Variants in HK1 observed in about 807,000 individuals in gnomAD.
The protein encoded by HK1 is hexokinase-1.
A neutral mutation model predicts 91.6 loss-of-function variants in HK1; 28 were observed. The ratio of observed to expected loss-of-function variants is 0.31; its 90% CI spans 0.23 to 0.42. The LOEUF (loss-of-function observed/expected upper bound fraction) is 0.42. HK1 is among the 10% of genes least tolerant of loss of function. The pLI is 1.00. For synonymous variants in HK1, 430 were observed against 468.1 expected (o/e 0.92, Z 1.05); for missense variants, 770 against 1,219.8 (o/e 0.63, Z 5.49).
At chr10:69,373,261 A>G (rs1850112284) in intron 7 of HK1, among the ~76,000 whole-genome samples, 1 of 152,112 alleles carries the variant, frequency 6.6e-6, no homozygotes, top group Non-Finnish European at 1.5e-5. Context: ...TACTCATTCC[A>G]TTTGCTTTGA....
At chr10:69,321,735 C>T (rs1847044565) in intron 1 of HK1, among the ~76,000 whole-genome samples, 2 of 152,194 alleles carry the variant, frequency 1.3e-5, no homozygotes, top group African/African-American at 4.8e-5. Context: ...ATCAATAATT[C>T]AACTCCATAA....
chr10:69,370,245 G>A lies in HK1; in HGVS notation c.875+621G>A, dbSNP rs143797216. On this transcript the variant is annotated intron_variant, in intron 7 of 17. Coordinates refer to ENST00000359426, the MANE Select transcript of HK1 (RefSeq NM_000188.3). The stretch of plus-strand genomic sequence containing the variant: ...GCTCACAATGAACCCATCTGATGGG[G>A]AATGCGGCCAGAGTTGAGCAGGTAC... Among the ~76,000 whole-genome samples the A allele has an allele frequency of 7.2e-3, 1,101 of 152,188 alleles. 4 individuals are homozygous for A. Among genetic ancestry groups the A allele is most frequent in the South Asian group, 0.029 (142 of 4,820 alleles).
intron 2 of HK1, among the ~76,000 whole-genome samples, chr10:69,282,921 A>G (rs1844818552): frequency 6.6e-6 from 1 of 151,212 alleles, no homozygotes; most frequent in Admixed American, 6.6e-5. Context: ...GTTTGAGACC[A>G]GCCTGGCCAA....
intron 2 of HK1, among the ~76,000 whole-genome samples, chr10:69,285,109 G>A (rs1278633970): frequency 6.6e-6 from 1 of 151,612 alleles, no homozygotes; most frequent in Non-Finnish European, 1.5e-5. Flanking sequence ...ATGTGCCACC[G>A]CACCCAGCCG....
At chr10:69,352,505 G>C (rs994377365) in intron 2 of HK1, among the ~76,000 whole-genome samples, 2 of 152,232 alleles carry the variant, frequency 1.3e-5, no homozygotes, top group African/African-American at 4.8e-5. Context: ...GGCTTCATGT[G>C]ATATATACAT....
At chr10:69,292,233 G>A (rs544708320) in intron 3 of HK1, 3 of 330,082 alleles carry the variant, frequency 9.1e-6, no homozygotes, top group South Asian at 6.8e-5. Flanking sequence ...CCCACAACCA[G>A]CCAGTTTTTA....
intron 5 of HK1, among the ~76,000 whole-genome samples, chr10:69,307,101 T>C (rs1846142043): frequency 6.6e-6 from 1 of 152,160 alleles, no homozygotes; most frequent in Non-Finnish European, 1.5e-5. Flanking sequence ...ATATAAGACT[T>C]GATTCTCATA....
At chr10:69,330,247 C>T (rs980330185) in intron 1 of HK1, among the ~76,000 whole-genome samples, 18 of 152,194 alleles carry the variant, frequency 1.2e-4, no homozygotes, top group African/African-American at 4.3e-4. Context: ...GTAGGAGACC[C>T]AGGCTACTGC....
chr10:69,341,240 C>A (rs1848276821), intron 1 of HK1, among the ~76,000 whole-genome samples: 1 of 151,002 alleles, frequency 6.6e-6, no homozygotes. Context: ...TAGCACCCTG[C>A]AACCTCTGCT....
chr10:69,382,571 C>T lies in HK1; in HGVS notation c.1350C>T (p.Gly450=). 1.2e-6 allele frequency: 2 copies of T among 1,614,186 alleles called. No individual in the cohort carries two copies. Among genetic ancestry groups the T allele is most frequent in the Non-Finnish European group, 1.7e-6 (2 of 1,180,040 alleles). The change falls in exon 10 of 18, where the codon GGC becomes GGT. Residue 450 remains glycine (G), a synonymous_variant. Transcript: ENST00000359426. ...TCCTCCTCTCGGAGAGTGGCAGCGG[C>T]AAGGGGGCTGCCATGGTGACGGCGG... ...VRFLLSESGS[G]KGAAMVTAVA... is the part of the protein sequence containing the mutation.
At position 69,364,386 on chromosome 10, in the gene HK1, G is replaced by T. The variant is rs544375781; in HGVS notation, c.376-397G>T. Among the ~76,000 whole-genome samples, 4 of 152,268 alleles carry T rather than the reference G, an allele frequency of 2.6e-5. No individual in the cohort carries two copies. The East Asian group carries it at 7.7e-4, about 29-fold the overall frequency. ...GTTTCTGAAATTTTCAGAGAGCGTG[G>T]CGTCGGGCGGGGCGGGAAGGCCACT... On this transcript the variant is annotated intron_variant, in intron 3 of 17. Coordinates refer to ENST00000359426, the MANE Select transcript of HK1 (RefSeq NM_000188.3).
upstream of HK1, chr10:69,318,177 A>G: frequency 1.0e-6 from 1 of 985,440 alleles, no homozygotes; most frequent in Non-Finnish European, 1.2e-6. Flanking sequence ...CAAATCTGCC[A>G]GCTGGAGATT....
chr10:69,371,904 G>A (rs1488154443), intron 7 of HK1, among the ~76,000 whole-genome samples: 1 of 152,046 alleles, frequency 6.6e-6, no homozygotes, highest in African/African-American at 2.4e-5. Flanking sequence ...GAAAGGTTGG[G>A]GCAAAATCTC....
chr10:69,276,094 A>T, intron 1 of HK1, among the ~76,000 whole-genome samples: 1 of 34,154 alleles, frequency 2.9e-5, no homozygotes, highest in East Asian at 1.5e-3. Flanking sequence ...CCTTTTCAAA[A>T]AAAAAAAAAA....
intron 3 of HK1, among the ~76,000 whole-genome samples, chr10:69,289,460 A>ATTTTTTT (rs1564755510): frequency 8.5e-5 from 8 of 93,656 alleles, no homozygotes; most frequent in African/African-American, 1.6e-4. Context: ...TAAAAAAAAA[A>ATTTTTTT]ATTTTTTTTT....
chr10:69,385,819 C>T (rs1276876260), intron 12 of HK1, among the ~76,000 whole-genome samples: 1 of 152,224 alleles, frequency 6.6e-6, no homozygotes, highest in Non-Finnish European at 1.5e-5. Context: ...TTCACTTATA[C>T]CTTCACCTTG....
intron 3 of HK1, among the ~76,000 whole-genome samples, chr10:69,363,149 C>T (rs546817671): frequency 6.6e-6 from 1 of 152,172 alleles, no homozygotes; most frequent in African/African-American, 2.4e-5. Context: ...AGACAGCCTT[C>T]TTCTGGGTTC....
chr10:69,391,236 C>T (rs1839882846), intron 14 of HK1, among the ~76,000 whole-genome samples: 3 of 152,298 alleles, frequency 2.0e-5, no homozygotes, highest in Middle Eastern at 6.8e-3. Flanking sequence ...TTTTGAAAGC[C>T]CCCCTTGAAA....
chr10:69,358,900 G>T (rs1045686297), intron 2 of HK1, among the ~76,000 whole-genome samples: 1 of 151,444 alleles, frequency 6.6e-6, no homozygotes, highest in Non-Finnish European at 1.5e-5. Flanking sequence ...AATTCTATTG[G>T]GGGCAGGGTG....
Sources: allele counts gnomAD v4.1 joint callset (sites outside exome capture counted in the v4.1 genomes callset), GRCh38; gene constraint gnomAD v4.1.1; transcripts MANE v1.5; gene names NCBI Gene and HGNC (gene_info 2026-07-23, HGNC 2026-07-21).